The following ADGRG6 variants were observed in gnomAD, a reference collection of about 807,000 sequenced individuals.
The protein encoded by ADGRG6 is G-protein coupled receptor 126.
Under a neutral mutation model 142.4 loss-of-function variants are expected in ADGRG6, and 84 were observed. The observed-to-expected ratio is 0.59, with a 90% CI of 0.49 to 0.71. The LOEUF (loss-of-function observed/expected upper bound fraction) is 0.71, where lower values mean the gene tolerates loss of function less well. Ranked by LOEUF, ADGRG6 falls within the 30% of genes least tolerant of loss-of-function variation. The pLI is 0.00. For synonymous variants in ADGRG6, 521 were observed against 520.5 expected, an observed-to-expected ratio of 1.00 and a Z score of -0.01; for missense variants, 1,367 against 1,466.6, an observed-to-expected ratio of 0.93 and a Z score of 1.11.
chr6:142,411,376 C>T lies in ADGRG6; in HGVS notation c.2506C>T (p.Leu836=). The T allele has an allele frequency of 6.2e-7, 1 of 1,602,966 alleles. No individual in the cohort carries two copies. The part of the protein sequence containing the change: ...RDSDASETVC[L]CNHFTHFGVL... ...TTCAGATGCAAGTGAGACAGTCTGCCTGTGTAACCACTTCACACACTTTGG... is the reference window on the plus strand; with the variant it reads ...TTCAGATGCAAGTGAGACAGTCTGCTTGTGTAACCACTTCACACACTTTGG... Residue 836 remains leucine, a synonymous_variant, in exon 18 of 25, where the codon CTG becomes TTG. Coordinates refer to ENST00000367609, the MANE Select transcript of ADGRG6 (RefSeq NM_198569.3).
Position 142,307,840 on chromosome 6 carries a change from G to A in ADGRG6, c.3-1704G>A, listed in dbSNP as rs990206209. On this transcript the variant is annotated intron_variant, in intron 1 of 24. Transcript: ENST00000367609. ...CAAATCTTAACCTTTTCCTGGTTTC[G>A]AATTTTCCTAGTTTAGAATTTCCAT... 4.6e-5 allele frequency among the ~76,000 whole-genome samples: 7 copies of A among 152,054 alleles called. No individual in the cohort carries two copies. The South Asian group carries it at 8.3e-4, about 18-fold the overall frequency.
intron 8 of ADGRG6, 53 bp downstream of exon 8, chr6:142,393,053 T>C: frequency 1.0e-6 from 1 of 964,540 alleles, no homozygotes; most frequent in Non-Finnish European, 1.7e-6. Context: ...AATTTAATGC[T>C]ACTATTTGTC....
chr6:142,434,400 C>T (rs1440128073), intron 22 of ADGRG6, among the ~76,000 whole-genome samples: 1 of 152,066 alleles, frequency 6.6e-6, no homozygotes, highest in Admixed American at 6.5e-5. Context: ...TCTCGGCTCA[C>T]TGCAACCTCC....
At position 142,444,104 on chromosome 6, in the gene ADGRG6, C is replaced by A. The variant is rs1777880774; in HGVS notation, c.*589C>A. ...TATTTTAAATATTACACCTTCAGAA[C>A]CATAACATGCTTAAGAAAACTTTCC... On this transcript the variant is annotated 3_prime_UTR_variant, in exon 25 of 25. Coordinates refer to ENST00000367609, the MANE Select transcript of ADGRG6 (RefSeq NM_198569.3). The A allele has an allele frequency of 1.3e-5, 2 of 152,142 alleles. No homozygotes were observed. Among genetic ancestry groups the A allele is most frequent in the Admixed American group, 1.3e-4 (2 of 15,268 alleles). 9.4% of individuals were successfully genotyped at this position (152,142 alleles called of 1,614,324 possible).
intron 2 of ADGRG6, among the ~76,000 whole-genome samples, chr6:142,355,601 A>G (rs770303780): frequency 2.6e-5 from 4 of 152,234 alleles, no homozygotes; most frequent in South Asian, 2.1e-4. Context: ...CTCCAGCGAC[A>G]GGGAGTGAGG....
chr6:142,305,326 A>C (rs950935902), intron 1 of ADGRG6, among the ~76,000 whole-genome samples: 2 of 151,840 alleles, frequency 1.3e-5, no homozygotes, highest in Non-Finnish European at 2.9e-5. Context: ...CAAAGAACAC[A>C]CCTCTATACC....
chr6:142,341,613 A>C (rs569643399), intron 2 of ADGRG6, among the ~76,000 whole-genome samples: 1 of 122,720 alleles, frequency 8.1e-6, no homozygotes, highest in African/African-American at 3.2e-5. Flanking sequence ...ATACTATATA[A>C]TATGTAGTAT....
At chr6:142,312,391 A>G (rs777974017) in intron 2 of ADGRG6, among the ~76,000 whole-genome samples, 4 of 152,116 alleles carry the variant, frequency 2.6e-5, no homozygotes, top group Non-Finnish European at 5.9e-5. Flanking sequence ...CTGGATTTTC[A>G]AAAGTAGTGT....
chr6:142,339,601 T>C (rs894875660), intron 2 of ADGRG6, among the ~76,000 whole-genome samples: 4 of 152,204 alleles, frequency 2.6e-5, no homozygotes, highest in Non-Finnish European at 5.9e-5. Flanking sequence ...CATGATCCTT[T>C]TGTGGTGTCA....
At chr6:142,321,830 A>G (rs976216003) in intron 2 of ADGRG6, among the ~76,000 whole-genome samples, 21 of 152,132 alleles carry the variant, frequency 1.4e-4, no homozygotes, top group Admixed American at 8.5e-4. Flanking sequence ...ATTTTTTTCT[A>G]TGTAAATTAT....
At chr6:142,345,446 GT>G (rs1317744101) in intron 2 of ADGRG6, among the ~76,000 whole-genome samples, 13 of 152,018 alleles carry the variant, frequency 8.6e-5, no homozygotes, top group African/African-American at 3.1e-4. Context: ...AAACCTCTTA[GT>G]TTTTTTGTTT....
At position 142,354,295 on chromosome 6, in the gene ADGRG6, C is replaced by CT. The variant is rs1780337437; in HGVS notation, c.104-13272dup. 2.0e-5 allele frequency among the ~76,000 whole-genome samples: 3 copies of CT among 152,276 alleles called. No individual in the cohort carries two copies. In the South Asian group the frequency reaches 6.2e-4, roughly 32 times the overall value. ...TCAGGAGGCTGAGGCAAGAGAATCA[C>CT]TTGAACGAACTTGGGAGGCGGAGGT... On this transcript the variant is annotated intron_variant, in intron 2 of 24. Coordinates refer to ENST00000367609, the MANE Select transcript of ADGRG6 (RefSeq NM_198569.3).
At chr6:142,333,220 C>G (rs1355020600) in intron 2 of ADGRG6, among the ~76,000 whole-genome samples, 1 of 152,142 alleles carries the variant, frequency 6.6e-6, no homozygotes, top group Non-Finnish European at 1.5e-5. Context: ...ATTTGTCATT[C>G]AAACTCCTCT....
At chr6:142,304,426 A>G (rs1301401023) in intron 1 of ADGRG6, among the ~76,000 whole-genome samples, 2 of 152,124 alleles carry the variant, frequency 1.3e-5, no homozygotes, top group Non-Finnish European at 2.9e-5. Context: ...GCATGAAGCT[A>G]CTGTTCCATT....
chr6:142,437,614 C>T, intron 23 of ADGRG6, 79 bp downstream of exon 23: 1 of 755,696 alleles, frequency 1.3e-6, no homozygotes, highest in Non-Finnish European at 2.4e-6. Flanking sequence ...GTCAGAGCAA[C>T]CCAGTCCCAG....
chr6:142,417,068 A>C, intron 20 of ADGRG6: 1 of 604,840 alleles, frequency 1.7e-6, no homozygotes, highest in Non-Finnish European at 3.0e-6. Context: ...GATTGTTGCC[A>C]GTTAGAGTTG....
chr6:142,353,795 A>C (rs534512464), intron 2 of ADGRG6, among the ~76,000 whole-genome samples: 51 of 152,330 alleles, frequency 3.3e-4, no homozygotes, highest in African/African-American at 1.2e-3. Flanking sequence ...TTGAATTGAA[A>C]GGCTGTACCT....
intron 2 of ADGRG6, among the ~76,000 whole-genome samples, chr6:142,312,683 G>A (rs566405375): frequency 6.6e-6 from 1 of 152,034 alleles, no homozygotes; most frequent in Admixed American, 6.6e-5. Context: ...GTACATTGGT[G>A]TATCACTCTC....
chr6:142,367,075 T>A (rs990114190), intron 2 of ADGRG6, among the ~76,000 whole-genome samples: 8 of 152,220 alleles, frequency 5.3e-5, no homozygotes, highest in African/African-American at 1.9e-4. Flanking sequence ...TTAAATTATT[T>A]ATTTTCTAAG....
Sources: allele counts gnomAD v4.1 joint callset (sites outside exome capture counted in the v4.1 genomes callset), GRCh38; gene constraint gnomAD v4.1.1; transcripts MANE v1.5; gene names NCBI Gene and HGNC (gene_info 2026-07-23, HGNC 2026-07-21).